Variants in NTRK2 observed in about 807,000 individuals in gnomAD.
NTRK2 encodes the protein neurotrophic receptor tyrosine kinase 2, also known as BDNF/NT-3 growth factors receptor.
Under a neutral mutation model 94.5 loss-of-function variants are expected in NTRK2, and 13 were observed. That is an observed-to-expected ratio of 0.14 (90% CI 0.09 to 0.22). NTRK2 has a LOEUF of 0.22. Ranked by LOEUF, NTRK2 falls within the 10% of genes least tolerant of loss-of-function variation. NTRK2 has a pLI of 1.00. For missense variants in NTRK2, 639 were observed against 1,071.2 expected, an observed-to-expected ratio of 0.60 and a Z score of 5.63; for synonymous variants, 372 against 407.4, an observed-to-expected ratio of 0.91 and a Z score of 1.05.
chr9:84,922,908 T>C (rs1175274296), intron 14 of NTRK2, among the ~76,000 whole-genome samples: 1 of 152,200 alleles, frequency 6.6e-6, no homozygotes, highest in Non-Finnish European at 1.5e-5. Flanking sequence ...ATATTAACAC[T>C]ACCTTTTAAA....
intron 14 of NTRK2, among the ~76,000 whole-genome samples, chr9:84,921,310 C>T (rs1460214783): frequency 1.3e-5 from 2 of 152,200 alleles, no homozygotes; most frequent in Admixed American, 1.3e-4. Context: ...GTGTGGCAGT[C>T]TTCCAGCTGA....
In NTRK2 at chr9:84,787,950, G is replaced by T. The variant is rs188757246; in HGVS notation, c.1396+35865G>T. Among the ~76,000 whole-genome samples, 176 of 152,234 alleles carry T rather than the reference G, an allele frequency of 1.2e-3. 1 individual carries two copies. Among genetic ancestry groups the T allele is most frequent in the Middle Eastern group, 3.4e-3 (1 of 294 alleles). ...TTGGTCATGTTATTCACCTTTCTGT[G>T]CCTCAGTTTCGCACCTCTAAAAGGG... On this transcript the variant is annotated intron_variant, in intron 12 of 18. Transcript: ENST00000277120.
intron 12 of NTRK2, among the ~76,000 whole-genome samples, chr9:84,841,669 A>G (rs756862964): frequency 6.6e-6 from 1 of 151,994 alleles, no homozygotes; most frequent in Non-Finnish European, 1.5e-5. Flanking sequence ...CAGCCCTTAT[A>G]CCTGCTAGAC....
At chr9:84,987,691 A>C (rs1482491036) in intron 17 of NTRK2, among the ~76,000 whole-genome samples, 21 of 152,184 alleles carry the variant, frequency 1.4e-4, no homozygotes, top group Non-Finnish European at 3.1e-4. Flanking sequence ...TTTTCTCTTT[A>C]AATAGTATTT....
intron 14 of NTRK2, among the ~76,000 whole-genome samples, chr9:84,916,243 G>A (rs756448604): frequency 6.6e-6 from 1 of 152,042 alleles, no homozygotes; most frequent in South Asian, 2.1e-4. Flanking sequence ...GGGAGGATGA[G>A]AAATAAAATG....
At chr9:84,728,770 A>G (rs1373233660) in intron 9 of NTRK2, among the ~76,000 whole-genome samples, 1 of 152,220 alleles carries the variant, frequency 6.6e-6, no homozygotes, top group Non-Finnish European at 1.5e-5. Context: ...GATGGCTAGC[A>G]TCAGGGGTCT....
At chr9:84,907,690 T>C (rs1177634157) in intron 14 of NTRK2, among the ~76,000 whole-genome samples, 1 of 96,412 alleles carries the variant, frequency 1.0e-5, no homozygotes, top group Non-Finnish European at 2.1e-5. Flanking sequence ...CTCTTCTTCT[T>C]TTTTTTTTTT....
chr9:84,911,494 T>C (rs2077234285), intron 14 of NTRK2, among the ~76,000 whole-genome samples: 1 of 152,118 alleles, frequency 6.6e-6, no homozygotes, highest in Non-Finnish European at 1.5e-5. Context: ...TCATATGTGG[T>C]CATTTGTGCT....
At chr9:85,020,506 C>A in intron 18 of NTRK2, 142 bp downstream of exon 18, 1 of 832,104 alleles carries the variant, frequency 1.2e-6, no homozygotes, top group Non-Finnish European at 2.0e-6. Context: ...CCCAAGTAGC[C>A]TGCTATGTTT....
intron 2 of NTRK2, among the ~76,000 whole-genome samples, chr9:84,680,600 TA>T (rs1315750539): frequency 2.0e-5 from 3 of 152,344 alleles, no homozygotes; most frequent in African/African-American, 7.2e-5. Flanking sequence ...TTCCACATTT[TA>T]AGATAAGAAT....
intron 12 of NTRK2, among the ~76,000 whole-genome samples, chr9:84,832,410 G>A (rs1003683780): frequency 6.6e-6 from 1 of 152,212 alleles, no homozygotes; most frequent in Non-Finnish European, 1.5e-5. Flanking sequence ...ACAGTGATCA[G>A]AGAAGCTATT....
rs1832894450 is a variant in NTRK2 at position 85,023,649 on chromosome 9, A to G, written c.*2212A>G. The G allele has an allele frequency of 4.3e-6, 1 of 230,966 alleles. No homozygotes were observed. The highest frequency in any genetic ancestry group is 1.8e-4 in the South Asian group (1 of 5,514). 14.3% of individuals were successfully genotyped at this position (230,966 alleles called of 1,614,324 possible). The stretch of plus-strand genomic sequence containing the variant: ...AATGAAAGCCATATCTCCATGATAT[A>G]TATGTGCACATATATATACATACAT... On this transcript the variant is annotated 3_prime_UTR_variant, in exon 19 of 19. Transcript: ENST00000277120.
chr9:84,741,704 C>T (rs888175266), intron 9 of NTRK2, among the ~76,000 whole-genome samples, 188 bp from the exon 10 acceptor site: 7 of 151,926 alleles, frequency 4.6e-5, no homozygotes, highest in Admixed American at 2.0e-4. Context: ...GTGGGAGAAC[C>T]GGGGAGGGGA....
At chr9:84,767,741 T>G (rs1016355908) in intron 12 of NTRK2, among the ~76,000 whole-genome samples, 23 of 152,334 alleles carry the variant, frequency 1.5e-4, no homozygotes, top group African/African-American at 5.1e-4. Flanking sequence ...CTCTCTCTCC[T>G]CTGGTCCTGC....
intron 9 of NTRK2, among the ~76,000 whole-genome samples, chr9:84,734,293 G>A (rs2063098711): frequency 6.6e-6 from 1 of 152,174 alleles, no homozygotes; most frequent in South Asian, 2.1e-4. Flanking sequence ...CCTTAGGTAG[G>A]CATTGAGAAT....
At chr9:85,010,982 G>T (rs1380109425) in intron 17 of NTRK2, among the ~76,000 whole-genome samples, 1 of 152,102 alleles carries the variant, frequency 6.6e-6, no homozygotes, top group East Asian at 1.9e-4. Flanking sequence ...AAGCCATTCT[G>T]CCCCTGTATA....
chr9:84,883,187 A>G (rs1332598250), intron 14 of NTRK2, among the ~76,000 whole-genome samples: 1 of 152,236 alleles, frequency 6.6e-6, no homozygotes, highest in Non-Finnish European at 1.5e-5. Flanking sequence ...CGATTAGGAT[A>G]AATGTAAGAG....
chr9:84,707,896 C>T lies in NTRK2; in HGVS notation c.412C>T (p.Leu138Phe). ...TSLSRKHFRH[L>F]DLSELILVGN... The stretch of plus-strand genomic sequence containing the variant: ...TTTGTCTAGGAAACATTTCCGTCAC[C>T]TTGACTTGTCTGAACTGTAAGTAAT... The change falls in exon 5 of 19, where the codon CTT becomes TTT. Residue 138 changes from leucine (L) to phenylalanine (F), a missense_variant. Transcript: ENST00000277120. 6.2e-7 allele frequency: 1 copy of T among 1,612,626 alleles called. No homozygotes were observed. The highest frequency in any genetic ancestry group is 1.1e-5 in the South Asian group (1 of 90,912).
intron 12 of NTRK2, chr9:84,810,490 C>T (rs557034540): frequency 2.6e-6 from 4 of 1,521,134 alleles, no homozygotes; most frequent in South Asian, 2.3e-5. Context: ...TGTTAATTTT[C>T]ATTGATTTTT....
Sources: gnomAD v4.1 joint callset for allele counts (sites outside exome capture counted in the v4.1 genomes callset) on GRCh38, gnomAD v4.1.1 for gene constraint, MANE v1.5 for transcripts, NCBI Gene and HGNC (gene_info 2026-07-23, HGNC 2026-07-21) for gene names.